Variants in RNF145 observed in about 807,000 individuals in gnomAD.
The protein encoded by RNF145 is ring finger protein 145.
A neutral mutation model predicts 57.3 loss-of-function variants in RNF145; 12 were observed. The ratio of observed to expected loss-of-function variants is 0.21; its 90% CI spans 0.13 to 0.34. The LOEUF is 0.34. Ranked by LOEUF, RNF145 falls within the 10% of genes least tolerant of loss-of-function variation. The pLI, the probability that RNF145 is intolerant of heterozygous loss-of-function variation, is 1.00. For missense variants in RNF145, 429 were observed against 799.0 expected (o/e 0.54, Z 5.58); for synonymous variants, 262 against 288.3 (o/e 0.91, Z 0.92).
At chr5:159,175,567 G>T (rs1223199994) in intron 5 of RNF145, among the ~76,000 whole-genome samples, 1 of 152,054 alleles carries the variant, frequency 6.6e-6, no homozygotes, top group Non-Finnish European at 1.5e-5. Context: ...TCTTAAATTT[G>T]TCATTATTAC....
At chr5:159,182,706 G>T (rs958534824) in intron 3 of RNF145, among the ~76,000 whole-genome samples, 12 of 152,102 alleles carry the variant, frequency 7.9e-5, no homozygotes, top group African/African-American at 2.7e-4. Flanking sequence ...TAAGCTTTAA[G>T]TAATAACCAG....
chr5:159,196,855 C>T (rs1051156318), intron 2 of RNF145, among the ~76,000 whole-genome samples: 6 of 152,158 alleles, frequency 3.9e-5, no homozygotes, highest in African/African-American at 9.7e-5. Context: ...TCTCTTTTAA[C>T]GAAACTGTCA....
rs1554148175 is a variant in RNF145 at position 159,209,504 on chromosome 5, T to TCGGGGGCGGCGGCGG, written c.-314_-313insCCGCCGCCGCCCCCG. 1.1e-6 allele frequency: 1 copy of TCGGGGGCGGCGGCGG among 944,594 alleles called. No individual in the cohort carries two copies. The highest frequency in any genetic ancestry group is 1.8e-5 in the African/African-American group (1 of 55,764). 58.5% of individuals were successfully genotyped at this position (944,594 alleles called of 1,614,324 possible). On this transcript the variant is annotated 5_prime_UTR_variant, in exon 1 of 11. Coordinates refer to ENST00000424310, the MANE Select transcript of RNF145 (RefSeq NM_001199383.2). ...AGCCCCTTAGCAGCCGGCGCCGGCG[T>TCGGGGGCGGCGGCGG]CGGCGGCCATGGCCTCCTGCGTTTG...
At chr5:159,208,235 C>T (rs746239276) in intron 1 of RNF145, 15 of 1,069,792 alleles carry the variant, frequency 1.4e-5, no homozygotes, top group Admixed American at 3.6e-5. Flanking sequence ...GGGCCGCCGC[C>T]GCCGCGGGGC....
chr5:159,171,978 C>T (rs573836143), intron 6 of RNF145, among the ~76,000 whole-genome samples: 11 of 152,194 alleles, frequency 7.2e-5, no homozygotes, highest in Admixed American at 6.5e-4. Flanking sequence ...ACAGAATATC[C>T]GAATATTATT....
intron 1 of RNF145, 116 bp from the exon 2 acceptor site, chr5:159,203,772 ATAC>A: frequency 1.6e-6 from 1 of 641,886 alleles, no homozygotes; most frequent in Non-Finnish European, 2.7e-6. Context: ...GTGAGAACGT[ATAC>A]TACTTCTCAG....
chr5:159,193,612 A>G (rs1314738519), intron 3 of RNF145, among the ~76,000 whole-genome samples: 2 of 152,118 alleles, frequency 1.3e-5, no homozygotes, highest in African/African-American at 4.8e-5. Flanking sequence ...ATATTAACAC[A>G]TCTATCTCTG....
Position 159,158,799 on chromosome 5 carries a change from C to T in RNF145, c.1863G>A (p.Arg621=). 3 of 1,613,946 alleles carry T rather than the reference C, an allele frequency of 1.9e-6. No individual in the cohort carries two copies. The highest frequency in any genetic ancestry group is 2.5e-6 in the Non-Finnish European group (3 of 1,179,864). The change falls in exon 11 of 11, where the codon AGG becomes AGA. Residue 621 remains arginine (R), a synonymous_variant. Coordinates refer to ENST00000424310, the MANE Select transcript of RNF145 (RefSeq NM_001199383.2). ...PPGQEHTPGT[R]IQEGSRDNNE... is the part of the protein sequence containing the mutation. ...TATTGTCCCTGGAACCTTCCTGTAT[C>T]CTGGTCCCTGGAGTATGCTCCTGGC...
Position 159,209,409 on chromosome 5 carries a change from G to A in RNF145, c.-218C>T, listed in dbSNP as rs760422084. ...CGGATGTTGCTTCTGGGGAGGCGGA[G>A]GCAGCGGCAGCGGCAGCGGCCCGGC... On this transcript the variant is annotated 5_prime_UTR_variant, in exon 1 of 11. Coordinates refer to ENST00000424310, the MANE Select transcript of RNF145 (RefSeq NM_001199383.2). 3.2e-4 allele frequency: 210 copies of A among 652,526 alleles called. No homozygotes were observed. Among genetic ancestry groups the A allele is most frequent in the Non-Finnish European group, 3.9e-4 (208 of 531,378 alleles). 40.4% of individuals were successfully genotyped at this position (652,526 alleles called of 1,614,324 possible).
chr5:159,170,741 C>G (rs1006747169), intron 6 of RNF145, among the ~76,000 whole-genome samples: 1 of 152,144 alleles, frequency 6.6e-6, no homozygotes, highest in Non-Finnish European at 1.5e-5. Context: ...ACCGTAAGAG[C>G]GTGCCACTGC....
At chr5:159,194,897 G>C in intron 2 of RNF145, 73 bp from the exon 3 acceptor site, 3 of 1,075,658 alleles carry the variant, frequency 2.8e-6, no homozygotes, top group Non-Finnish European at 4.0e-6. Context: ...GAAAGAGCTT[G>C]AGACAAATAA....
At chr5:159,203,752 A>T (rs1003277108) in intron 1 of RNF145, 96 bp from the exon 2 acceptor site, 1 of 727,946 alleles carries the variant, frequency 1.4e-6, no homozygotes, top group African/African-American at 1.8e-5. Context: ...CACACACTGT[A>T]CAAAACTATG....
At chr5:159,194,989 A>AT (rs1329293816) in intron 2 of RNF145, among the ~76,000 whole-genome samples, 165 bp from the exon 3 acceptor site, 1 of 152,116 alleles carries the variant, frequency 6.6e-6, no homozygotes, top group Non-Finnish European at 1.5e-5. Context: ...ACCCCTATGG[A>AT]TTTTTTGTTG....
At chr5:159,161,215 A>G (rs762815975) in intron 10 of RNF145, 51 bp downstream of exon 10, 2 of 1,180,518 alleles carry the variant, frequency 1.7e-6, no homozygotes, top group South Asian at 2.9e-5. Context: ...TTACAGTCCC[A>G]AGGGATACAC....
In RNF145 at chr5:159,203,666, A is replaced by G; in HGVS notation, c.-39-10T>C. The G allele has an allele frequency of 6.5e-7, 1 of 1,537,262 alleles. No homozygotes were observed. The highest frequency in any genetic ancestry group is 8.8e-7 in the Non-Finnish European group (1 of 1,133,102). On this transcript the variant is annotated splice_polypyrimidine_tract_variant and intron_variant, in intron 1 of 10. Transcript: ENST00000424310. ...TTTTCTTGGAGAAGACCTAAAATTC[A>G]GAAGACACAATATATAAAAATAAAA...
At chr5:159,193,711 T>A (rs1389826000) in intron 3 of RNF145, among the ~76,000 whole-genome samples, 1 of 152,196 alleles carries the variant, frequency 6.6e-6, no homozygotes, top group African/African-American at 2.4e-5. Flanking sequence ...AATTTTATAA[T>A]CAGAAAAAGT....
At position 159,197,506 on chromosome 5, in the gene RNF145, G is replaced by A. The variant is rs140828050; in HGVS notation, c.185-2682C>T. Among the ~76,000 whole-genome samples, 147 of 152,280 alleles carry A rather than the reference G, an allele frequency of 9.7e-4. 1 individual carries two copies. The highest frequency in any genetic ancestry group is 3.4e-3 in the African/African-American group (143 of 41,554). On this transcript the variant is annotated intron_variant, in intron 2 of 10. Coordinates refer to ENST00000424310, the MANE Select transcript of RNF145 (RefSeq NM_001199383.2). The stretch of plus-strand genomic sequence containing the variant: ...ATCTATACCCCATTTTTATATTCCA[G>A]TGGAAAAGTAACTCTGTGATAACAA...
chr5:159,186,037 A>G (rs942407919), intron 3 of RNF145, among the ~76,000 whole-genome samples: 2 of 152,190 alleles, frequency 1.3e-5, no homozygotes, highest in Non-Finnish European at 2.9e-5. Flanking sequence ...CAGCCTGGAC[A>G]ACACGGTGAA....
At chr5:159,195,478 C>T (rs1785428430) in intron 2 of RNF145, among the ~76,000 whole-genome samples, 1 of 152,262 alleles carries the variant, frequency 6.6e-6, no homozygotes, top group East Asian at 1.9e-4. Context: ...CCTTTACAAA[C>T]CCCCCTAACT....
Sources: gnomAD v4.1 joint callset for allele counts (sites outside exome capture counted in the v4.1 genomes callset) on GRCh38, gnomAD v4.1.1 for gene constraint, MANE v1.5 for transcripts, NCBI Gene and HGNC (gene_info 2026-07-23, HGNC 2026-07-21) for gene names.